Variants in TTC29 observed in about 807,000 individuals in gnomAD.
TTC29 encodes tetratricopeptide repeat protein 29.
In TTC29, 49 loss-of-function variants were observed where a neutral mutation model predicts 58.1. That is an observed-to-expected ratio of 0.84 (90% CI 0.67 to 1.07). The LOEUF is 1.07. TTC29 is among the 50% of genes least tolerant of loss of function. TTC29 has a pLI of 0.00. For missense variants in TTC29, 582 were observed against 555.6 expected, an observed-to-expected ratio of 1.05 and a Z score of -0.48; for synonymous variants, 209 against 196.8, an observed-to-expected ratio of 1.06 and a Z score of -0.52.
chr4:146,913,213 G>T (rs902198220), intron 4 of TTC29, among the ~76,000 whole-genome samples: 2 of 151,820 alleles, frequency 1.3e-5, no homozygotes, highest in Admixed American at 6.6e-5. Flanking sequence ...AACATTTGGG[G>T]GCCAAAATGA....
intron 10 of TTC29, among the ~76,000 whole-genome samples, chr4:146,804,137 G>A (rs1338902453): frequency 6.6e-6 from 1 of 152,196 alleles, no homozygotes; most frequent in East Asian, 1.9e-4. Flanking sequence ...CCTGGGAAGT[G>A]CAAGGGGTTG....
At chr4:146,838,870 A>T (rs967674634) in intron 8 of TTC29, among the ~76,000 whole-genome samples, 2 of 152,008 alleles carry the variant, frequency 1.3e-5, no homozygotes, top group African/African-American at 4.8e-5. Context: ...TAAAACATAA[A>T]ATTCTACCAG....
chr4:146,782,798 T>C (rs1748719392), intron 11 of TTC29, among the ~76,000 whole-genome samples: 4 of 152,026 alleles, frequency 2.6e-5, no homozygotes, highest in South Asian at 4.1e-4. Context: ...CTATTGACTA[T>C]TATTTAGAAT....
At chr4:146,727,627 G>C (rs1336930862) in intron 11 of TTC29, among the ~76,000 whole-genome samples, 1 of 152,072 alleles carries the variant, frequency 6.6e-6, no homozygotes, top group Non-Finnish European at 1.5e-5. Flanking sequence ...CTTTCACTTA[G>C]TAATATGCAT....
chr4:146,814,843 A>G (rs969087333), intron 10 of TTC29, among the ~76,000 whole-genome samples: 1 of 152,144 alleles, frequency 6.6e-6, no homozygotes, highest in Non-Finnish European at 1.5e-5. Context: ...AGTGACAAGA[A>G]GCCAGCAATG....
intron 11 of TTC29, among the ~76,000 whole-genome samples, chr4:146,790,109 A>T (rs1489856266): frequency 6.6e-6 from 1 of 152,024 alleles, no homozygotes; most frequent in Non-Finnish European, 1.5e-5. Context: ...CCTTATTTCA[A>T]TTAGGCTTCT....
chr4:146,937,800 A>C, intron 3 of TTC29, 123 bp from the exon 4 acceptor site: 1 of 526,732 alleles, frequency 1.9e-6, no homozygotes, highest in Non-Finnish European at 3.3e-6. Context: ...AATAAACGCA[A>C]TAGCTATAGA....
chr4:146,799,372 T>A (rs1343767356), intron 11 of TTC29, among the ~76,000 whole-genome samples: 5 of 152,088 alleles, frequency 3.3e-5, no homozygotes, highest in Non-Finnish European at 7.4e-5. Flanking sequence ...TGAGTGTGAT[T>A]TTTTTTCATT....
chr4:146,753,961 G>A (rs1746229959), intron 11 of TTC29, among the ~76,000 whole-genome samples: 1 of 151,926 alleles, frequency 6.6e-6, no homozygotes, highest in Admixed American at 6.6e-5. Flanking sequence ...GCTAAATGAC[G>A]AGTTAATGGG....
chr4:146,932,277 C>T (rs1198134429), intron 4 of TTC29, among the ~76,000 whole-genome samples: 1 of 152,100 alleles, frequency 6.6e-6, no homozygotes, highest in Non-Finnish European at 1.5e-5. Flanking sequence ...CTTCTCCTGC[C>T]CACCTATCTC....
intron 11 of TTC29, among the ~76,000 whole-genome samples, chr4:146,746,477 A>C (rs559987425): frequency 6.6e-6 from 1 of 152,348 alleles, no homozygotes; most frequent in African/African-American, 2.4e-5. Context: ...TTTGATGGTG[A>C]ACCCTAAATT....
chr4:146,940,278 G>A (rs1216108152), intron 2 of TTC29, among the ~76,000 whole-genome samples: 1 of 152,136 alleles, frequency 6.6e-6, no homozygotes, highest in East Asian at 1.9e-4. Context: ...TTTATGTGTT[G>A]CTTTCCTGTT....
intron 8 of TTC29, among the ~76,000 whole-genome samples, chr4:146,845,075 T>C (rs186123168): frequency 2.6e-5 from 4 of 152,282 alleles, no homozygotes; most frequent in African/African-American, 9.6e-5. Context: ...CCCAACTGTT[T>C]GCTTCTCCTG....
intron 11 of TTC29, among the ~76,000 whole-genome samples, chr4:146,773,225 A>G (rs564863820): frequency 3.9e-5 from 6 of 152,094 alleles, no homozygotes; most frequent in South Asian, 2.1e-4. Flanking sequence ...CTCTTGCCCT[A>G]TTGCTCTGGC....
At chr4:146,764,079 A>C (rs749638350) in intron 11 of TTC29, 2 of 152,088 alleles carry the variant, frequency 1.3e-5, no homozygotes, top group Non-Finnish European at 2.9e-5. Context: ...GATATACCCC[A>C]AAAGCATCTC....
intron 4 of TTC29, among the ~76,000 whole-genome samples, chr4:146,914,815 A>AAAAAATGC (rs1734113812): frequency 6.6e-6 from 1 of 152,150 alleles, no homozygotes; most frequent in Admixed American, 6.6e-5. Flanking sequence ...CATCTCCCTA[A>AAAAAATGC]AAAAATGCAG....
rs1032393493 is a variant in TTC29, at chr4:146,803,503, C to A, written c.1284G>T (p.Leu428=). The A allele has an allele frequency of 6.9e-6, 11 of 1,599,334 alleles. No individual in the cohort carries two copies. The highest frequency in any genetic ancestry group is 3.4e-5 in the South Asian group (3 of 88,618). ...SADLTSLNYL[L]SWKESRGNIE... ...TGTTACCTCTGCTCTCCTTCCATGA[C>A]AGCAGGTAGTTGAGGCTGGTGAGAT... The change falls in exon 11 of 13, where the codon CTG becomes CTT. Residue 428 remains leucine (L), a synonymous_variant. Transcript: ENST00000325106.
In TTC29 at chr4:146,803,451, C is replaced by T. The variant is rs1750373522; in HGVS notation, c.1330+6G>A. 6.4e-7 allele frequency: 1 copy of T among 1,556,974 alleles called. No individual in the cohort carries two copies. Among genetic ancestry groups the T allele is most frequent in the Non-Finnish European group, 8.7e-7 (1 of 1,146,700 alleles). Reference sequence around the variant, plus strand: ...AACTAAAGTGTTCTAAAAACCAATGCCTTACCAGTAACTGGATCAGGTTCA... The same window carrying T: ...AACTAAAGTGTTCTAAAAACCAATGTCTTACCAGTAACTGGATCAGGTTCA... On this transcript the variant is annotated splice_donor_region_variant and intron_variant, in intron 11 of 12. Transcript: ENST00000325106.
At chr4:146,810,838 C>T (rs185161648) in intron 10 of TTC29, among the ~76,000 whole-genome samples, 11 of 152,036 alleles carry the variant, frequency 7.2e-5, no homozygotes, top group African/African-American at 1.9e-4. Context: ...GTGATCCACC[C>T]GCCTCCGCTT....
Sources: allele counts gnomAD v4.1 joint callset (sites outside exome capture counted in the v4.1 genomes callset), GRCh38; gene constraint gnomAD v4.1.1; transcripts MANE v1.5; gene names NCBI Gene and HGNC (gene_info 2026-07-23, HGNC 2026-07-21).